Variants in TMEM178A observed in about 807,000 individuals in gnomAD.
TMEM178A encodes the protein transmembrane protein 178.
A neutral mutation model predicts 29.1 loss-of-function variants in TMEM178A; 12 were observed. The ratio of observed to expected loss-of-function variants is 0.41; its 90% CI spans 0.26 to 0.67. TMEM178A has a LOEUF of 0.67. Ranked by LOEUF, TMEM178A falls within the 30% of genes least tolerant of loss-of-function variation. TMEM178A has a pLI of 0.29. For missense variants in TMEM178A, 366 were observed against 419.1 expected (o/e 0.87, Z 1.11); for synonymous variants, 210 against 187.2 (o/e 1.12, Z -0.99).
At position 39,666,355 on chromosome 2, in the gene TMEM178A, C is replaced by A. The variant is rs377194329; in HGVS notation, c.381C>A (p.Ile127=). 5.7e-4 allele frequency: 825 copies of A among 1,437,400 alleles called. No individual in the cohort carries two copies. The highest frequency in any genetic ancestry group is 6.9e-4 in the Non-Finnish European group (753 of 1,093,468). The allele number at this position is 1,437,400 out of a possible 1,614,324, so 89.0% of individuals were successfully genotyped here. A position where few individuals can be genotyped will look rare whatever the true frequency, so the allele number is the denominator to read the frequency against. The change falls in exon 1 of 4, where the codon ATC becomes ATA. Residue 127 remains isoleucine (I), a synonymous_variant. Coordinates refer to ENST00000281961, the MANE Select transcript of TMEM178A (RefSeq NM_152390.3). ...KCYFLGIDRD[I]DTLILKGIAQ... ...ACTTCCTGGGCATCGACCGGGACAT[C>A]GACACCCTCATCCTGAAAGGTGAGC... is the stretch of plus-strand genomic sequence containing the variant.
At chr2:39,688,445 A>C (rs1671172574) in intron 1 of TMEM178A, among the ~76,000 whole-genome samples, 1 of 152,238 alleles carries the variant, frequency 6.6e-6, no homozygotes, top group African/African-American at 2.4e-5. Flanking sequence ...TGCTGCTGCC[A>C]CTAATGGCTT....
At position 39,717,413 on chromosome 2, in the gene TMEM178A, A is replaced by G; in HGVS notation, c.*162A>G. 1.9e-6 allele frequency: 2 copies of G among 1,030,230 alleles called. No individual in the cohort carries two copies. Among genetic ancestry groups the G allele is most frequent in the Non-Finnish European group, 2.7e-6 (2 of 734,326 alleles). 63.8% of individuals were successfully genotyped at this position (1,030,230 alleles called of 1,614,324 possible). On this transcript the variant is annotated 3_prime_UTR_variant, in exon 4 of 4. Transcript: ENST00000281961. ...TCATGCAAAACCTCCCAACCTTTCT[A>G]AGGACAAGACTACTGTGGATTCAAG...
At chr2:39,709,809 A>G (rs1238512384) in intron 3 of TMEM178A, among the ~76,000 whole-genome samples, 1 of 152,230 alleles carries the variant, frequency 6.6e-6, no homozygotes, top group Non-Finnish European at 1.5e-5. Flanking sequence ...GAGTGGACAA[A>G]AGCCTCAGTA....
chr2:39,692,540 G>T (rs1055090402), intron 1 of TMEM178A, among the ~76,000 whole-genome samples: 2 of 152,074 alleles, frequency 1.3e-5, no homozygotes, highest in African/African-American at 4.8e-5. Flanking sequence ...TTGATAGTTG[G>T]CTACTTTTTT....
At chr2:39,707,376 C>A (rs1343573278) in intron 3 of TMEM178A, among the ~76,000 whole-genome samples, 190 bp downstream of exon 3, 1 of 152,246 alleles carries the variant, frequency 6.6e-6, no homozygotes, top group Non-Finnish European at 1.5e-5. Context: ...AATGCATCCT[C>A]TATATCCCCA....
Position 39,670,117 on chromosome 2 carries a change from T to G in TMEM178A, c.400+3743T>G, listed in dbSNP as rs569690911. Among the ~76,000 whole-genome samples, 9 of 152,262 alleles carry G rather than the reference T, an allele frequency of 5.9e-5. No homozygotes were observed. In the East Asian group the frequency reaches 1.5e-3, roughly 26 times the overall value. ...AGCCTTCACCCAGCGATTTGAGTGCTGGAATAGTTGAACAAAATGGACTTA... is the reference window on the plus strand; with the variant it reads ...AGCCTTCACCCAGCGATTTGAGTGCGGGAATAGTTGAACAAAATGGACTTA... On this transcript the variant is annotated intron_variant, in intron 1 of 3. Transcript: ENST00000281961.
rs150944777 is a variant in TMEM178A, at chr2:39,714,377, A to G, written c.653-2633A>G. Among the ~76,000 whole-genome samples the G allele has an allele frequency of 3.7e-3, 570 of 152,266 alleles. 4 individuals carry two copies. The highest frequency in any genetic ancestry group is 0.013 in the African/African-American group (530 of 41,522). On this transcript the variant is annotated intron_variant, in intron 3 of 3. Coordinates refer to ENST00000281961, the MANE Select transcript of TMEM178A (RefSeq NM_152390.3). Reference sequence around the variant, plus strand: ...TCCAAAAAAAAAACTTAACTGGCATAGAGATAACACTTAAATTAATACAAA... The same window carrying G: ...TCCAAAAAAAAAACTTAACTGGCATGGAGATAACACTTAAATTAATACAAA...
At chr2:39,732,735 C>T in the TMEM178A span, among the ~76,000 whole-genome samples, 1 of 152,164 alleles carries the variant, frequency 6.6e-6, no homozygotes, top group Non-Finnish European at 1.5e-5. Flanking sequence ...GCTCTGAGCA[C>T]CATCAGATCT....
At chr2:39,667,376 T>G (rs1670214567) in intron 1 of TMEM178A, among the ~76,000 whole-genome samples, 1 of 151,438 alleles carries the variant, frequency 6.6e-6, no homozygotes, top group Non-Finnish European at 1.5e-5. Context: ...CGTAAAAATA[T>G]TCAGTGTGAC....
intron 1 of TMEM178A, among the ~76,000 whole-genome samples, chr2:39,700,651 A>G (rs1370835025): frequency 1.3e-5 from 2 of 151,832 alleles, no homozygotes; most frequent in Non-Finnish European, 2.9e-5. Context: ...TGGAGTATAT[A>G]TTTATATTTA....
downstream of TMEM178A, among the ~76,000 whole-genome samples, chr2:39,720,706 T>C (rs999516138): frequency 1.3e-5 from 2 of 152,172 alleles, no homozygotes; most frequent in Admixed American, 6.5e-5. Flanking sequence ...TCTTAAATCT[T>C]TGTGGAATCA....
chr2:39,691,011 T>C (rs1268120275), intron 1 of TMEM178A, among the ~76,000 whole-genome samples: 4 of 152,058 alleles, frequency 2.6e-5, no homozygotes, highest in Admixed American at 6.5e-5. Flanking sequence ...TGAAAACAGG[T>C]CAATTGAAGT....
chr2:39,733,428 T>G, the TMEM178A span, among the ~76,000 whole-genome samples: 1 of 152,206 alleles, frequency 6.6e-6, no homozygotes, highest in Non-Finnish European at 1.5e-5. Context: ...AGGTGCGGAA[T>G]AAGGCTCTTT....
At chr2:39,665,668 G>C (rs1358349114), upstream of TMEM178A, 1 of 298,694 alleles carries the variant, frequency 3.3e-6, no homozygotes, top group East Asian at 5.2e-5. Flanking sequence ...AGGAGTGCGC[G>C]GGGTGGGGGG....
chr2:39,727,803 A>G, the TMEM178A span, among the ~76,000 whole-genome samples: 1 of 149,182 alleles, frequency 6.7e-6, no homozygotes, highest in African/African-American at 2.6e-5. Flanking sequence ...ATCTCTGAGA[A>G]CATGAGGTGT....
chr2:39,687,608 C>T (rs1428386090), intron 1 of TMEM178A, among the ~76,000 whole-genome samples: 1 of 152,152 alleles, frequency 6.6e-6, no homozygotes, highest in Non-Finnish European at 1.5e-5. Flanking sequence ...GTTCAGGCAC[C>T]TGAAAACCAA....
chr2:39,712,251 C>A (rs148155427), intron 3 of TMEM178A, among the ~76,000 whole-genome samples: 21 of 152,018 alleles, frequency 1.4e-4, no homozygotes, highest in African/African-American at 4.8e-4. Flanking sequence ...AATGTTTATG[C>A]CTTTGGGTGT....
At chr2:39,679,492 C>G (rs1000027330) in intron 1 of TMEM178A, among the ~76,000 whole-genome samples, 1 of 151,664 alleles carries the variant, frequency 6.6e-6, no homozygotes, top group African/African-American at 2.4e-5. Context: ...GTATAACTAA[C>G]AAAGAGTGCA....
chr2:39,667,515 A>G (rs887515797), intron 1 of TMEM178A, among the ~76,000 whole-genome samples: 1 of 152,142 alleles, frequency 6.6e-6, no homozygotes, highest in Non-Finnish European at 1.5e-5. Context: ...GTCCAAAATC[A>G]GTACATTTTA....
Sources: allele counts gnomAD v4.1 joint callset (sites outside exome capture counted in the v4.1 genomes callset), GRCh38; gene constraint gnomAD v4.1.1; transcripts MANE v1.5; gene names NCBI Gene and HGNC (gene_info 2026-07-23, HGNC 2026-07-21).